The following RBFOX1 variants were observed in gnomAD, a reference collection of about 807,000 sequenced individuals.
RBFOX1 encodes RNA binding protein fox-1 homolog 1.
Under a neutral mutation model 57.7 loss-of-function variants are expected in RBFOX1, and 8 were observed. The ratio of observed to expected loss-of-function variants is 0.14; its 90% CI spans 0.08 to 0.25. The LOEUF (loss-of-function observed/expected upper bound fraction) is 0.25. Among genes scored for constraint, RBFOX1 ranks in the 10% least tolerant of loss-of-function variants. RBFOX1 has a pLI of 1.00. For synonymous variants in RBFOX1, 326 were observed against 222.4 expected, an observed-to-expected ratio of 1.47 and a Z score of -4.15; for missense variants, 611 against 548.5, an observed-to-expected ratio of 1.11 and a Z score of -1.14.
rs1568014716 is a variant in RBFOX1 at position 7,280,945 on chromosome 16, T to TTCCCTCCC, written c.27+228852_27+228853insCCCTCCCT. ...GGCCTCTTGAATCAATTGCATGTGA[T>TTCCCTCCC]TCCCTACCTACCTCCCTCCCTCCCT... On this transcript the variant is annotated intron_variant, in intron 4 of 15. Transcript: ENST00000550418. 1.3e-4 allele frequency among the ~76,000 whole-genome samples: 17 copies of TTCCCTCCC among 130,320 alleles called. 3 individuals are homozygous for TTCCCTCCC. The highest frequency in any genetic ancestry group is 4.1e-4 in the African/African-American group (14 of 34,248). The allele number at this position is 130,320 out of a possible 152,430, so 85.5% of individuals were successfully genotyped here.
chr16:6,415,461 G>T (rs1247720804), intron 2 of RBFOX1, among the ~76,000 whole-genome samples: 3 of 151,506 alleles, frequency 2.0e-5, no homozygotes. Flanking sequence ...GGAGAGATTT[G>T]GGAGGTCGAG....
intron 1 of RBFOX1, among the ~76,000 whole-genome samples, chr16:6,103,447 T>G (rs1490091650): frequency 6.6e-6 from 1 of 152,154 alleles, no homozygotes; most frequent in Non-Finnish European, 1.5e-5. Context: ...TTATTATTAC[T>G]GTTGTTGTCA....
chr16:6,967,217 C>T (rs1396373153), intron 3 of RBFOX1, among the ~76,000 whole-genome samples: 1 of 152,074 alleles, frequency 6.6e-6, no homozygotes, highest in East Asian at 1.9e-4. Flanking sequence ...TCTCTCCATC[C>T]ATCATCCATT....
chr16:5,582,995 C>G (rs897554719), intron 2 of RBFOX1, among the ~76,000 whole-genome samples: 2 of 152,178 alleles, frequency 1.3e-5, no homozygotes, highest in African/African-American at 2.4e-5. Context: ...ACTCATTTAA[C>G]TTCTCACTCT....
intron 2 of RBFOX1, among the ~76,000 whole-genome samples, chr16:5,532,131 T>G (rs2151036480): frequency 6.6e-6 from 1 of 152,264 alleles, no homozygotes; most frequent in Middle Eastern, 3.4e-3. Context: ...CTTCCCAACC[T>G]CAACACTATT....
intron 3 of RBFOX1, among the ~76,000 whole-genome samples, chr16:7,021,302 C>G: frequency 6.7e-6 from 1 of 148,794 alleles, no homozygotes; most frequent in Non-Finnish European, 1.5e-5. Context: ...TTCTCTCTCT[C>G]TCTATATATA....
intron 4 of RBFOX1, among the ~76,000 whole-genome samples, chr16:5,966,340 G>A (rs2059842957): frequency 1.3e-5 from 2 of 152,330 alleles, no homozygotes; most frequent in Non-Finnish European, 2.9e-5. Context: ...AGTGGCATCC[G>A]CTTCCAGGGA....
At chr16:5,879,915 A>G (rs2057721553) in intron 4 of RBFOX1, among the ~76,000 whole-genome samples, 1 of 152,180 alleles carries the variant, frequency 6.6e-6, no homozygotes, top group Non-Finnish European at 1.5e-5. Flanking sequence ...CAGAGATGGC[A>G]CACATTCCTT....
intron 4 of RBFOX1, among the ~76,000 whole-genome samples, chr16:7,055,558 C>T (rs1598286616): frequency 6.6e-6 from 1 of 152,256 alleles, no homozygotes; most frequent in African/African-American, 2.4e-5. Flanking sequence ...GTTTCTCCTT[C>T]ACACGTCTTG....
intron 4 of RBFOX1, among the ~76,000 whole-genome samples, chr16:7,472,939 AACAT>A (rs1215155593): frequency 8.0e-6 from 1 of 125,180 alleles, no homozygotes; most frequent in Non-Finnish European, 1.8e-5. Flanking sequence ...ACGTCTGAAA[AACAT>A]ACAGGGATTT....
chr16:5,721,368 C>A (rs901465425), intron 3 of RBFOX1, among the ~76,000 whole-genome samples: 1 of 151,916 alleles, frequency 6.6e-6, no homozygotes, highest in Non-Finnish European at 1.5e-5. Context: ...TATGTGGGTG[C>A]GGATTAGTTG....
At chr16:5,978,728 G>A (rs2060117245) in intron 4 of RBFOX1, among the ~76,000 whole-genome samples, 1 of 151,374 alleles carries the variant, frequency 6.6e-6, no homozygotes, top group African/African-American at 2.4e-5. Context: ...GTGTTGAGGG[G>A]TACCAGTCCG....
rs74006215 is a variant in RBFOX1 at position 5,708,942 on chromosome 16, C to G, written c.318+109981C>G. Among the ~76,000 whole-genome samples the G allele has an allele frequency of 8.3e-3, 1,262 of 152,250 alleles. 15 individuals are homozygous for G. Among genetic ancestry groups the G allele is most frequent in the African/African-American group, 0.028 (1,162 of 41,550 alleles). On this transcript the variant is annotated intron_variant, in intron 3 of 19. Coordinates refer to the RBFOX1 transcript ENST00000641259. The stretch of plus-strand genomic sequence containing the variant: ...GCAAGAAGAGGAATGAAAACAAGAA[C>G]AAGAAAGAGAGCAAGAGAGAACACG...
intron 2 of RBFOX1, among the ~76,000 whole-genome samples, chr16:6,357,321 G>T (rs1418835721): frequency 6.6e-6 from 1 of 152,040 alleles, no homozygotes; most frequent in African/African-American, 2.4e-5. Flanking sequence ...GGGGAGCCAG[G>T]TGATTGAGAA....
At chr16:7,613,723 C>T (rs1461330064) in intron 10 of RBFOX1, among the ~76,000 whole-genome samples, 1 of 151,912 alleles carries the variant, frequency 6.6e-6, no homozygotes, top group African/African-American at 2.4e-5. Flanking sequence ...ACATTTTTTC[C>T]TCCCACTTCC....
chr16:7,694,383 A>C (rs1390155826), intron 14 of RBFOX1, among the ~76,000 whole-genome samples: 1 of 152,206 alleles, frequency 6.6e-6, no homozygotes, highest in African/African-American at 2.4e-5. Flanking sequence ...TTTGGTGAGA[A>C]TGAATGAATG....
chr16:6,537,344 G>C (rs573674872), intron 2 of RBFOX1, among the ~76,000 whole-genome samples: 1 of 152,202 alleles, frequency 6.6e-6, no homozygotes. Flanking sequence ...ATTGCATCCA[G>C]AGGAGAAATG....
intron 4 of RBFOX1, among the ~76,000 whole-genome samples, chr16:7,343,944 A>G (rs2145458100): frequency 6.6e-6 from 1 of 152,254 alleles, no homozygotes; most frequent in East Asian, 1.9e-4. Context: ...TTACAAGTTT[A>G]TTTCCAAGCG....
At chr16:6,166,503 C>G (rs1307043743) in intron 1 of RBFOX1, among the ~76,000 whole-genome samples, 5 of 152,140 alleles carry the variant, frequency 3.3e-5, no homozygotes, top group Non-Finnish European at 7.3e-5. Context: ...TCACATATCT[C>G]TGTTTTCTTT....
Sources: gnomAD v4.1 joint callset for allele counts (sites outside exome capture counted in the v4.1 genomes callset) on GRCh38, gnomAD v4.1.1 for gene constraint, MANE v1.5 for transcripts, NCBI Gene and HGNC (gene_info 2026-07-23, HGNC 2026-07-21) for gene names.